The following KATNIP variants were observed in gnomAD, a reference collection of about 807,000 sequenced individuals.
KATNIP encodes katanin interacting protein.
In KATNIP, 126 loss-of-function variants were observed where a neutral mutation model predicts 174.0. The ratio of observed to expected loss-of-function variants is 0.72; its 90% confidence interval spans 0.63 to 0.84. The LOEUF (loss-of-function observed/expected upper bound fraction) is 0.84. Among genes scored for constraint, KATNIP ranks in the 40% least tolerant of loss-of-function variants. KATNIP has a pLI of 0.00. For missense variants in KATNIP, 1,958 were observed against 2,109.7 expected (o/e 0.93, Z 1.41); for synonymous variants, 810 against 835.7 (o/e 0.97, Z 0.53).
At chr16:27,669,547 A>C (rs1157268651) in intron 6 of KATNIP, among the ~76,000 whole-genome samples, 1 of 152,250 alleles carries the variant, frequency 6.6e-6, no homozygotes, top group Non-Finnish European at 1.5e-5. Context: ...GGTAGATCCC[A>C]CAGCATGGTA....
intron 15 of KATNIP, among the ~76,000 whole-genome samples, chr16:27,742,943 A>G (rs1597353410): frequency 6.6e-6 from 1 of 151,996 alleles, no homozygotes; most frequent in Admixed American, 6.6e-5. Flanking sequence ...TGCTGCACCT[A>G]TCAACCCGTC....
At chr16:27,667,031 A>G (rs1026913212) in intron 6 of KATNIP, among the ~76,000 whole-genome samples, 1 of 152,106 alleles carries the variant, frequency 6.6e-6, no homozygotes, top group Non-Finnish European at 1.5e-5. Context: ...TCAATAAAAA[A>G]TATTTGTTGC....
intron 18 of KATNIP, among the ~76,000 whole-genome samples, chr16:27,759,208 G>A (rs904437724): frequency 4.6e-5 from 7 of 152,190 alleles, no homozygotes; most frequent in African/African-American, 9.7e-5. Flanking sequence ...GGGAACTTCC[G>A]TCTTAGTGGG....
chr16:27,643,456 T>TGG (rs1021727288), intron 5 of KATNIP: 2 of 152,058 alleles, frequency 1.3e-5, no homozygotes, highest in Non-Finnish European at 2.9e-5. Flanking sequence ...CTGGGCCTGG[T>TGG]GGCGGGCACC....
chr16:27,764,960 T>C (rs946394017), intron 19 of KATNIP, among the ~76,000 whole-genome samples: 1 of 152,086 alleles, frequency 6.6e-6, no homozygotes, highest in Non-Finnish European at 1.5e-5. Context: ...CCTCCTTGGG[T>C]AAACACTTCG....
rs193037589 is a variant in KATNIP at position 27,716,253 on chromosome 16, G to A, written c.1606-5305G>A. ...CATTTATATGAAATGTCCCGAATAG[G>A]CAAATCTGAAGGCAGAAAGTAGATT... On this transcript the variant is annotated intron_variant, in intron 13 of 27. Coordinates refer to ENST00000261588, the MANE Select transcript of KATNIP (RefSeq NM_015202.5). 7.0e-4 allele frequency among the ~76,000 whole-genome samples: 106 copies of A among 152,274 alleles called. 1 individual carries two copies. Among genetic ancestry groups the A allele is most frequent in the Non-Finnish European group, 1.6e-4 (11 of 67,998 alleles).
In KATNIP at chr16:27,681,556, A is replaced by C. The variant is rs376076716; in HGVS notation, c.940+26A>C. On this transcript the variant is annotated intron_variant, in intron 8 of 27. Transcript: ENST00000261588. ...GTAAGAGTTCCGGGGGCCCCTGAGCAGGGGAGCAGGGCTGCGACTGGGTCA... is the reference window on the plus strand; with the variant it reads ...GTAAGAGTTCCGGGGGCCCCTGAGCCGGGGAGCAGGGCTGCGACTGGGTCA... The C allele has an allele frequency of 7.4e-6, 12 of 1,613,760 alleles. No homozygotes were observed. The East Asian group carries it at 8.9e-5, about 12-fold the overall frequency.
chr16:27,740,973 T>C lies in KATNIP; in HGVS notation c.2623+53T>C, dbSNP rs1232578319. On this transcript the variant is annotated intron_variant, in intron 15 of 27. Coordinates refer to ENST00000261588, the MANE Select transcript of KATNIP (RefSeq NM_015202.5). ...GGCATCATCATCCCAGCCCCTCTAA[T>C]TGGCATGAAGCCAGTTAGCTCCTGG... 3.4e-6 allele frequency: 5 copies of C among 1,470,644 alleles called. No homozygotes were observed. In the South Asian group the frequency reaches 3.9e-5, roughly 11 times the overall value. The allele number at this position is 1,470,644 out of a possible 1,614,324, so 91.1% of individuals were successfully genotyped here. A position where few individuals can be genotyped will look rare whatever the true frequency, so the allele number is the denominator to read the frequency against.
At chr16:27,709,578 G>A (rs893602588) in intron 13 of KATNIP, among the ~76,000 whole-genome samples, 1 of 152,194 alleles carries the variant, frequency 6.6e-6, no homozygotes, top group East Asian at 1.9e-4. Flanking sequence ...AGCCGAGATT[G>A]CAGTAAGCCA....
At chr16:27,581,892 T>C (rs577067018) in intron 2 of KATNIP, among the ~76,000 whole-genome samples, 3 of 152,330 alleles carry the variant, frequency 2.0e-5, no homozygotes, top group African/African-American at 7.2e-5. Flanking sequence ...AGTCTCCAGT[T>C]CTATCCATGT....
chr16:27,721,049 C>G (rs146906395), intron 13 of KATNIP, among the ~76,000 whole-genome samples: 316 of 152,326 alleles, frequency 2.1e-3, no homozygotes, highest in African/African-American at 7.3e-3. Flanking sequence ...CTGAAAGGAA[C>G]AGAATAAATC....
chr16:27,646,691 C>A (rs911845564), intron 5 of KATNIP, among the ~76,000 whole-genome samples: 2 of 152,218 alleles, frequency 1.3e-5, no homozygotes, highest in East Asian at 1.9e-4. Flanking sequence ...TGGTAGGGAA[C>A]CTTGCGTGCC....
intron 13 of KATNIP, among the ~76,000 whole-genome samples, chr16:27,714,805 A>G (rs2079851849): frequency 6.6e-6 from 1 of 152,226 alleles, no homozygotes; most frequent in South Asian, 2.1e-4. Flanking sequence ...GAAACCTAAG[A>G]TCTAAGAAAC....
At chr16:27,716,447 C>G (rs1286157078) in intron 13 of KATNIP, among the ~76,000 whole-genome samples, 1 of 151,512 alleles carries the variant, frequency 6.6e-6, no homozygotes, top group East Asian at 1.9e-4. Context: ...AAATGGCGAA[C>G]TTTATGCTAT....
chr16:27,619,263 C>A (rs1036553335), intron 3 of KATNIP, among the ~76,000 whole-genome samples: 2 of 152,194 alleles, frequency 1.3e-5, no homozygotes, highest in African/African-American at 4.8e-5. Context: ...GTCTGTGAGA[C>A]CACAGTTCCC....
chr16:27,699,878 G>A (rs1035853540), intron 10 of KATNIP, among the ~76,000 whole-genome samples: 3 of 151,892 alleles, frequency 2.0e-5, no homozygotes, highest in African/African-American at 7.3e-5. Flanking sequence ...TCAAACTGTT[G>A]TAATTATTTC....
At chr16:27,605,185 G>A (rs2075660999) in intron 2 of KATNIP, among the ~76,000 whole-genome samples, 2 of 152,046 alleles carry the variant, frequency 1.3e-5, no homozygotes, top group Admixed American at 6.6e-5. Context: ...CACCCACCTT[G>A]GCCTCCCAAA....
At chr16:27,597,794 C>G (rs1386411104) in intron 2 of KATNIP, among the ~76,000 whole-genome samples, 1 of 152,088 alleles carries the variant, frequency 6.6e-6, no homozygotes, top group Non-Finnish European at 1.5e-5. Flanking sequence ...ACTTCTCTGC[C>G]CAGCCCTCAG....
chr16:27,702,068 C>T (rs1447162979), intron 11 of KATNIP, among the ~76,000 whole-genome samples: 1 of 152,230 alleles, frequency 6.6e-6, no homozygotes, highest in African/African-American at 2.4e-5. Flanking sequence ...GCGTAAGCCA[C>T]TACACCTGAC....
Sources: gnomAD v4.1 joint callset for allele counts (sites outside exome capture counted in the v4.1 genomes callset) on GRCh38, gnomAD v4.1.1 for gene constraint, MANE v1.5 for transcripts, NCBI Gene and HGNC (gene_info 2026-07-23, HGNC 2026-07-21) for gene names.